The following CNTNAP2 variants were observed in gnomAD, a reference collection of about 807,000 sequenced individuals.
CNTNAP2 encodes the protein contactin associated protein 2.
In CNTNAP2, 98 loss-of-function variants were observed where a neutral mutation model predicts 155.2. The observed-to-expected ratio is 0.63, with a 90% confidence interval of 0.54 to 0.75. The LOEUF (loss-of-function observed/expected upper bound fraction) is 0.75, where lower values mean the gene tolerates loss of function less well. Ranked by LOEUF, CNTNAP2 falls within the 30% of genes least tolerant of loss-of-function variation. The probability of loss-of-function intolerance (pLI) is 0.00; values close to 1 mark genes in which losing one functional copy is unlikely to be tolerated. For missense variants in CNTNAP2, 1,727 were observed against 1,688.1 expected, an observed-to-expected ratio of 1.02 and a Z score of -0.40; for synonymous variants, 651 against 631.2, an observed-to-expected ratio of 1.03 and a Z score of -0.47.
chr7:146,831,353 G>A (rs529925480), intron 2 of CNTNAP2, among the ~76,000 whole-genome samples: 127 of 152,078 alleles, frequency 8.4e-4, no homozygotes, highest in African/African-American at 3.0e-3. Flanking sequence ...CCAGTCCTTG[G>A]GGTTATAATC....
At chr7:147,551,311 A>G (rs1195924145) in intron 11 of CNTNAP2, among the ~76,000 whole-genome samples, 1 of 152,212 alleles carries the variant, frequency 6.6e-6, no homozygotes, top group African/African-American at 2.4e-5. Context: ...TTAATGCAGC[A>G]GTTTCTATGT....
At chr7:147,467,688 GATATT>G (rs1798144501) in intron 10 of CNTNAP2, among the ~76,000 whole-genome samples, 1 of 152,126 alleles carries the variant, frequency 6.6e-6, no homozygotes, top group Admixed American at 6.6e-5. Flanking sequence ...TGACTGACAC[GATATT>G]ATATTATCCA....
chr7:147,911,433 G>C (rs62474778), intron 14 of CNTNAP2, among the ~76,000 whole-genome samples: 2 of 152,104 alleles, frequency 1.3e-5, no homozygotes, highest in African/African-American at 2.4e-5. Flanking sequence ...TAATGGTCTC[G>C]AGGGGTCTTA....
At chr7:147,405,000 C>T (rs1422004766) in intron 10 of CNTNAP2, among the ~76,000 whole-genome samples, 3 of 152,328 alleles carry the variant, frequency 2.0e-5, no homozygotes, top group South Asian at 2.1e-4. Context: ...TAAGATTCAA[C>T]AGCAGCTGTA....
intron 1 of CNTNAP2, among the ~76,000 whole-genome samples, chr7:146,188,686 A>C (rs1463030905): frequency 2.0e-5 from 3 of 152,138 alleles, no homozygotes; most frequent in African/African-American, 7.2e-5. Flanking sequence ...ATGAAATTTG[A>C]AATGGTTTAA....
At chr7:146,779,127 C>T (rs1802439100) in intron 2 of CNTNAP2, among the ~76,000 whole-genome samples, 1 of 152,178 alleles carries the variant, frequency 6.6e-6, no homozygotes, top group East Asian at 1.9e-4. Context: ...TCTTTCAGAC[C>T]CCTGTTTCCA....
intron 1 of CNTNAP2, among the ~76,000 whole-genome samples, chr7:146,574,361 T>G (rs1027506314): frequency 6.6e-6 from 1 of 152,192 alleles, no homozygotes; most frequent in Admixed American, 6.5e-5. Flanking sequence ...AGTTAAATTG[T>G]TTTAAGTCAG....
At chr7:146,190,218 A>G (rs923874736) in intron 1 of CNTNAP2, among the ~76,000 whole-genome samples, 1 of 152,184 alleles carries the variant, frequency 6.6e-6, no homozygotes, top group East Asian at 1.9e-4. Context: ...ATGTGCAGGA[A>G]GGCTTCTGGC....
chr7:146,651,016 G>A (rs186769124), intron 1 of CNTNAP2, among the ~76,000 whole-genome samples: 203 of 151,200 alleles, frequency 1.3e-3, no homozygotes, highest in Admixed American at 5.2e-3. Context: ...GGGCAACATA[G>A]TGAATTTTTT....
intron 1 of CNTNAP2, among the ~76,000 whole-genome samples, chr7:146,124,780 A>G (rs185471009): frequency 1.3e-5 from 2 of 152,262 alleles, no homozygotes; most frequent in Admixed American, 1.3e-4. Context: ...GTTTTTTTCT[A>G]TGTATTCATA....
intron 1 of CNTNAP2, among the ~76,000 whole-genome samples, chr7:146,327,827 T>A (rs1232539263): frequency 6.6e-6 from 1 of 152,174 alleles, no homozygotes; most frequent in Non-Finnish European, 1.5e-5. Context: ...GGACCTAAGA[T>A]TCAAGACTTT....
At chr7:148,105,107 C>A (rs965502051) in intron 15 of CNTNAP2, among the ~76,000 whole-genome samples, 1 of 152,142 alleles carries the variant, frequency 6.6e-6, no homozygotes, top group Non-Finnish European at 1.5e-5. Flanking sequence ...AGGAGAGGAA[C>A]ACATGAAAGT....
intron 13 of CNTNAP2, among the ~76,000 whole-genome samples, chr7:147,895,266 G>A (rs772457685): frequency 2.6e-5 from 4 of 151,844 alleles, no homozygotes; most frequent in East Asian, 1.9e-4. Context: ...GAGCCACCGC[G>A]CCCAGCTTAT....
intron 5 of CNTNAP2, among the ~76,000 whole-genome samples, chr7:147,112,311 C>T (rs760270887): frequency 3.9e-4 from 60 of 152,216 alleles, no homozygotes; most frequent in Middle Eastern, 6.8e-3. Flanking sequence ...AGGATCATGA[C>T]ATCTGCAAAG....
chr7:147,754,327 G>A (rs2116508534), intron 13 of CNTNAP2, among the ~76,000 whole-genome samples: 1 of 152,326 alleles, frequency 6.6e-6, no homozygotes, highest in East Asian at 1.9e-4. Flanking sequence ...ACAGGGAAGA[G>A]TAAGCTTGTA....
chr7:147,925,871 C>T (rs1417013253), intron 14 of CNTNAP2, among the ~76,000 whole-genome samples: 1 of 152,132 alleles, frequency 6.6e-6, no homozygotes, highest in Non-Finnish European at 1.5e-5. Context: ...TTCAATCCTC[C>T]CCTCCCCTCA....
intron 10 of CNTNAP2, among the ~76,000 whole-genome samples, chr7:147,402,952 G>GAAAA (rs201092537): frequency 1.3e-4 from 12 of 94,792 alleles, no homozygotes; most frequent in Non-Finnish European, 1.7e-4. Flanking sequence ...AAATAATCCT[G>GAAAA]AAAAAAAAAA....
intron 6 of CNTNAP2, among the ~76,000 whole-genome samples, chr7:147,127,669 C>G (rs1377054662): frequency 6.6e-6 from 1 of 152,070 alleles, no homozygotes; most frequent in Non-Finnish European, 1.5e-5. Flanking sequence ...CCTAATGTAA[C>G]TAATGATAGG....
intron 11 of CNTNAP2, among the ~76,000 whole-genome samples, chr7:147,544,561 TTCC>T (rs1336219445): frequency 6.6e-6 from 1 of 152,186 alleles, no homozygotes; most frequent in Non-Finnish European, 1.5e-5. Context: ...CAAGTCCTCT[TTCC>T]AGGGCCACAG....
Sources: allele counts gnomAD v4.1 joint callset (sites outside exome capture counted in the v4.1 genomes callset), GRCh38; gene constraint gnomAD v4.1.1; transcripts MANE v1.5; gene names NCBI Gene and HGNC (gene_info 2026-07-23, HGNC 2026-07-21).